The following MLLT11 variants were observed in gnomAD, a reference collection of about 807,000 sequenced individuals.
MLLT11 encodes MLLT11 transcription factor 7 cofactor.
A neutral mutation model predicts 5.3 loss-of-function variants in MLLT11; 1 was observed. The ratio of observed to expected loss-of-function variants is 0.19; its 90% confidence interval spans 0.07 to 0.89. The LOEUF is 0.89. Ranked by LOEUF, MLLT11 falls within the 40% of genes least tolerant of loss-of-function variation. The pLI, the probability that MLLT11 is intolerant of heterozygous loss-of-function variation, is 0.67. For synonymous variants in MLLT11, 38 were observed against 41.7 expected (o/e 0.91, Z 0.34); for missense variants, 87 against 107.3 (o/e 0.81, Z 0.83).
In MLLT11 at chr1:151,067,360, G is replaced by A. The variant is rs1212053318; in HGVS notation, c.136G>A (p.Gly46Ser). 6.2e-7 allele frequency: 1 copy of A among 1,614,146 alleles called. No homozygotes were observed. Among genetic ancestry groups the A allele is most frequent in the African/African-American group, 1.3e-5 (1 of 75,042 alleles). ...ATYKVKDSSVGKMIGQATAAD... is the reference protein window; with the variant it reads ...ATYKVKDSSVSKMIGQATAAD... ...CTACAAGGTCAAAGACAGCAGCGTTGGCAAAATGATCGGGCAAGCAACTGC... is the reference window on the plus strand; with the variant it reads ...CTACAAGGTCAAAGACAGCAGCGTTAGCAAAATGATCGGGCAAGCAACTGC... The change falls in exon 2 of 2, where the codon GGC becomes AGC. Residue 46 changes from glycine to serine, a missense_variant. Physicochemically the swap from Gly to Ser is moderately conservative, Grantham distance 56. Transcript: ENST00000368921.
At chr1:151,065,062 G>T (rs1025978645) in intron 1 of MLLT11, among the ~76,000 whole-genome samples, 1 of 151,110 alleles carries the variant, frequency 6.6e-6, no homozygotes, top group Non-Finnish European at 1.5e-5. Context: ...GCCAAAAAAG[G>T]GGTCTTTTGC....
chr1:151,065,758 G>A (rs1274803872), intron 1 of MLLT11, among the ~76,000 whole-genome samples: 1 of 152,218 alleles, frequency 6.6e-6, no homozygotes, highest in African/African-American at 2.4e-5. Flanking sequence ...TCAGGAGGAA[G>A]TCAAGTATTT....
rs1173078676 is a variant in MLLT11 at position 151,067,308 on chromosome 1, A to C, written c.84A>C (p.Glu28Asp). 32 of 1,614,074 alleles carry C rather than the reference A, an allele frequency of 2.0e-5. No individual in the cohort carries two copies. The highest frequency in any genetic ancestry group is 2.6e-5 in the Non-Finnish European group (31 of 1,180,006). ...PIPELDLSEL[E>D]GLGLSDTATY... ...CAGAACTGGATCTGTCGGAGCTGGA[A>C]GGCCTGGGTCTGTCAGATACAGCCA... is the stretch of plus-strand genomic sequence containing the variant. The change falls in exon 2 of 2, where the codon GAA (glutamate) becomes GAC (aspartate). Residue 28 changes from glutamate to aspartate, a missense_variant. Glu to Asp is a conservative substitution (Grantham distance 45). Coordinates refer to ENST00000368921, the MANE Select transcript of MLLT11 (RefSeq NM_006818.4).
intron 1 of MLLT11, among the ~76,000 whole-genome samples, chr1:151,063,487 GCTAT>G (rs1378416428): frequency 1.3e-5 from 2 of 152,034 alleles, no homozygotes; most frequent in Admixed American, 1.3e-4. Context: ...GTGCAGTGGC[GCTAT>G]CTCAGCTCAC....
At position 151,067,224 on chromosome 1, in the gene MLLT11, T is replaced by C; in HGVS notation, c.-1T>C. 1 of 1,612,646 alleles carries C rather than the reference T, an allele frequency of 6.2e-7. No homozygotes were observed. Among genetic ancestry groups the C allele is most frequent in the Non-Finnish European group, 8.5e-7 (1 of 1,179,100 alleles). On this transcript the variant is annotated 5_prime_UTR_variant, in exon 2 of 2. Coordinates refer to ENST00000368921, the MANE Select transcript of MLLT11 (RefSeq NM_006818.4). ...GACAAGTGGTTTCTTTCTAGGAAGC[T>C]ATGAGGGACCCTGTGAGTAGCCAGT...
intron 1 of MLLT11, 118 bp from the exon 2 acceptor site, chr1:151,067,100 GA>G (rs57235606): frequency 0.21 from 129,596 of 617,932 alleles, 377 homozygotes; most frequent in South Asian, 0.25. Context: ...TTCTTTAATA[GA>G]AAAAAAAAAA....
At chr1:151,061,793 AT>A (rs1243591106) in intron 1 of MLLT11, among the ~76,000 whole-genome samples, 2 of 152,152 alleles carry the variant, frequency 1.3e-5, no homozygotes, top group Non-Finnish European at 2.9e-5. Context: ...TCTGTGTAGT[AT>A]TACTTTATGT....
chr1:151,066,092 A>G (rs1020404362), intron 1 of MLLT11, among the ~76,000 whole-genome samples: 1 of 152,172 alleles, frequency 6.6e-6, no homozygotes, highest in African/African-American at 2.4e-5. Flanking sequence ...CGCCTGCCTT[A>G]GCCTCCCAAA....
In MLLT11 at chr1:151,067,744, C is replaced by G; in HGVS notation, c.*247C>G. The G allele has an allele frequency of 1.9e-6, 1 of 535,596 alleles. No homozygotes were observed. Among genetic ancestry groups the G allele is most frequent in the Non-Finnish European group, 3.4e-6 (1 of 296,162 alleles). 33.2% of individuals were successfully genotyped at this position (535,596 alleles called of 1,614,324 possible). On this transcript the variant is annotated 3_prime_UTR_variant, in exon 2 of 2. Coordinates refer to ENST00000368921, the MANE Select transcript of MLLT11 (RefSeq NM_006818.4). The stretch of plus-strand genomic sequence containing the variant: ...ACTGGGTCACAGGGATTCCTCCTTT[C>G]CCCCCCAAATATTAACTCCAGAAAC...
In MLLT11 at chr1:151,067,728, C is replaced by G. The variant is rs41266628; in HGVS notation, c.*231C>G. On this transcript the variant is annotated 3_prime_UTR_variant, in exon 2 of 2. Coordinates refer to ENST00000368921, the MANE Select transcript of MLLT11 (RefSeq NM_006818.4). ...GTTCAAGCAATGGAGTACTGGGTCA[C>G]AGGGATTCCTCCTTTCCCCCCCAAA... The G allele has an allele frequency of 2.4e-5, 14 of 571,726 alleles. No individual in the cohort carries two copies. The South Asian group carries it at 3.2e-4, about 13-fold the overall frequency. The allele number at this position is 571,726 out of a possible 1,614,324, so 35.4% of individuals were successfully genotyped here.
intron 1 of MLLT11, among the ~76,000 whole-genome samples, chr1:151,061,863 G>T (rs968193304): frequency 6.6e-6 from 1 of 151,932 alleles, no homozygotes; most frequent in Admixed American, 6.6e-5. Flanking sequence ...GAATGTATTT[G>T]GTACCCTGTG....
chr1:151,068,942 T>G lies in MLLT11; in HGVS notation c.*1445T>G, dbSNP rs1390336446. ...AGAGGAAGAATGATTTGAGTAGCAT[T>G]TAGACATTAGATGGTGAACTTCGCA... On this transcript the variant is annotated 3_prime_UTR_variant, in exon 2 of 2. Coordinates refer to ENST00000368921, the MANE Select transcript of MLLT11 (RefSeq NM_006818.4). 1.3e-5 allele frequency among the ~76,000 whole-genome samples: 2 copies of G among 152,286 alleles called. No individual in the cohort carries two copies. Among genetic ancestry groups the G allele is most frequent in the Non-Finnish European group, 2.9e-5 (2 of 68,020 alleles).
chr1:151,063,389 C>A (rs954926622), intron 1 of MLLT11, among the ~76,000 whole-genome samples: 1 of 152,164 alleles, frequency 6.6e-6, no homozygotes, highest in South Asian at 2.1e-4. Flanking sequence ...CCTTTGGGAA[C>A]ATTTCAACTA....
chr1:151,064,537 T>C (rs587708933), intron 1 of MLLT11, among the ~76,000 whole-genome samples: 4 of 152,344 alleles, frequency 2.6e-5, no homozygotes, highest in Non-Finnish European at 5.9e-5. Context: ...GGGAAACTCC[T>C]AGGTATGGGG....
intron 1 of MLLT11, among the ~76,000 whole-genome samples, chr1:151,061,012 C>G (rs886831180): frequency 2.0e-5 from 3 of 152,090 alleles, no homozygotes; most frequent in African/African-American, 7.2e-5. Context: ...GTAATCCTGA[C>G]CTTTCTTTGG....
At chr1:151,062,792 C>A (rs1676425054) in intron 1 of MLLT11, among the ~76,000 whole-genome samples, 1 of 152,128 alleles carries the variant, frequency 6.6e-6, no homozygotes, top group Non-Finnish European at 1.5e-5. Context: ...CAGTAAGAAT[C>A]CCTGTAGCCA....
chr1:151,066,782 G>A (rs1464215452), intron 1 of MLLT11, among the ~76,000 whole-genome samples: 3 of 152,022 alleles, frequency 2.0e-5, no homozygotes, highest in Admixed American at 6.6e-5. Flanking sequence ...AACATTGGCC[G>A]GGCGTGGTGG....
At position 151,067,116 on chromosome 1, in the gene MLLT11, A is replaced by G; in HGVS notation, c.-6-103A>G. 4.2e-6 allele frequency: 4 copies of G among 949,662 alleles called. No homozygotes were observed. In the South Asian group the frequency reaches 6.0e-5, roughly 14 times the overall value. 58.8% of individuals were successfully genotyped at this position (949,662 alleles called of 1,614,324 possible). On this transcript the variant is annotated intron_variant, in intron 1 of 1. Transcript: ENST00000368921. ...TCTTTAATAGAAAAAAAAAAAAAAA[A>G]GAAATTCCTTTTTACCAGTATGTGG...
chr1:151,066,626 GAA>G (rs1676479021), intron 1 of MLLT11, among the ~76,000 whole-genome samples: 1 of 152,132 alleles, frequency 6.6e-6, no homozygotes, highest in South Asian at 2.1e-4. Flanking sequence ...GGGAAGTTTA[GAA>G]AATAGTAGAA....
Sources: gnomAD v4.1 joint callset for allele counts (sites outside exome capture counted in the v4.1 genomes callset) on GRCh38, gnomAD v4.1.1 for gene constraint, MANE v1.5 for transcripts, NCBI Gene and HGNC (gene_info 2026-07-23, HGNC 2026-07-21) for gene names.